The following RANBP17 variants were observed in gnomAD, a reference collection of about 807,000 sequenced individuals.
RANBP17 encodes the protein ran-binding protein 17.
RANBP17 carries 158 observed loss-of-function variants against 141.2 expected under a neutral mutation model. The ratio of observed to expected loss-of-function variants is 1.12; its 90% CI spans 0.98 to 1.28. RANBP17 has a LOEUF of 1.28. RANBP17 is among the 50% of genes most tolerant of loss of function. The probability of loss-of-function intolerance (pLI) is 0.00; values close to 1 mark genes in which losing one functional copy is unlikely to be tolerated. For missense variants in RANBP17, 1,438 were observed against 1,290.7 expected, an observed-to-expected ratio of 1.11 and a Z score of -1.75; for synonymous variants, 430 against 450.0, an observed-to-expected ratio of 0.96 and a Z score of 0.56.
intron 14 of RANBP17, among the ~76,000 whole-genome samples, chr5:171,002,167 T>C (rs1008092320): frequency 2.6e-5 from 4 of 151,902 alleles, no homozygotes; most frequent in Non-Finnish European, 4.4e-5. Flanking sequence ...ATGGAAGAGG[T>C]TATGAAATGA....
At chr5:170,995,963 C>G (rs2127570513) in intron 14 of RANBP17, among the ~76,000 whole-genome samples, 1 of 152,134 alleles carries the variant, frequency 6.6e-6, no homozygotes, top group Middle Eastern at 3.4e-3. Context: ...GATTTTCAGG[C>G]TGCAGTGTGC....
At chr5:171,143,513 T>TG (rs1359057701) in intron 14 of RANBP17, 7 of 152,128 alleles carry the variant, frequency 4.6e-5, no homozygotes, top group Non-Finnish European at 2.9e-5. Context: ...TTAAAAAAAT[T>TG]TTTTTCACCA....
intron 14 of RANBP17, among the ~76,000 whole-genome samples, chr5:171,130,491 C>T (rs1412387990): frequency 8.5e-6 from 1 of 117,772 alleles, no homozygotes; most frequent in South Asian, 3.0e-4. Flanking sequence ...GGCTGGAGTG[C>T]AATGGCATGA....
intron 12 of RANBP17, among the ~76,000 whole-genome samples, chr5:170,944,547 C>A (rs1291457333): frequency 6.6e-6 from 1 of 152,198 alleles, no homozygotes; most frequent in African/African-American, 2.4e-5. Flanking sequence ...GTATTACAGG[C>A]GTGAGCCACT....
At chr5:170,877,027 T>C (rs1253983582) in intron 1 of RANBP17, among the ~76,000 whole-genome samples, 1 of 152,162 alleles carries the variant, frequency 6.6e-6, no homozygotes, top group African/African-American at 2.4e-5. Context: ...GCTGAACTCA[T>C]TTTTTAATTC....
chr5:171,057,316 G>A (rs1273897954), intron 14 of RANBP17, among the ~76,000 whole-genome samples: 1 of 152,030 alleles, frequency 6.6e-6, no homozygotes, highest in Admixed American at 6.6e-5. Context: ...CCTTTTTATA[G>A]TGACAAACCA....
chr5:171,005,223 C>T (rs1396081540), intron 14 of RANBP17, among the ~76,000 whole-genome samples: 1 of 152,120 alleles, frequency 6.6e-6, no homozygotes, highest in African/African-American at 2.4e-5. Flanking sequence ...TGACTTTCTT[C>T]ACAGAATTGG....
At chr5:171,152,650 G>A (rs1458051081) in intron 14 of RANBP17, among the ~76,000 whole-genome samples, 3 of 152,076 alleles carry the variant, frequency 2.0e-5, no homozygotes, top group African/African-American at 7.2e-5. Flanking sequence ...CTTCTGTCAT[G>A]CTGACTCCCA....
intron 14 of RANBP17, among the ~76,000 whole-genome samples, chr5:171,155,340 G>A (rs1758825492): frequency 6.6e-6 from 1 of 151,494 alleles, no homozygotes; most frequent in African/African-American, 2.4e-5. Context: ...TAGAGAAAGT[G>A]GATATTTTGT....
Position 171,259,880 on chromosome 5 carries a change from C to A in RANBP17, c.2777-5801C>A, listed in dbSNP as rs1766170466. Among the ~76,000 whole-genome samples, 4 of 151,888 alleles carry A rather than the reference C, an allele frequency of 2.6e-5. No homozygotes were observed. The South Asian group carries it at 6.2e-4, about 24-fold the overall frequency. On this transcript the variant is annotated intron_variant, in intron 24 of 27. Transcript: ENST00000523189. ...CCTGTAATCCCAGCTACTCAGGAGG[C>A]TGCAGCAGGAGAATGGCTTGAACCT...
intron 14 of RANBP17, among the ~76,000 whole-genome samples, chr5:171,150,786 A>G (rs1216548621): frequency 6.6e-6 from 1 of 152,216 alleles, no homozygotes; most frequent in Non-Finnish European, 1.5e-5. Context: ...AAGTTTCTGC[A>G]TAAGGAGTCA....
At chr5:171,293,128 C>T (rs1286429387) in intron 25 of RANBP17, among the ~76,000 whole-genome samples, 1 of 152,198 alleles carries the variant, frequency 6.6e-6, no homozygotes, top group African/African-American at 2.4e-5. Context: ...CTGACTTCTC[C>T]TCAAGGACCC....
At position 171,203,165 on chromosome 5, in the gene RANBP17, G is replaced by C. The variant is rs960412097; in HGVS notation, c.2143-2359G>C. Among the ~76,000 whole-genome samples, 3 of 152,170 alleles carry C rather than the reference G, an allele frequency of 2.0e-5. No individual in the cohort carries two copies. The East Asian group carries it at 5.8e-4, about 29-fold the overall frequency. ...GCCTGTCACTCTTCAGACCAATCTT[G>C]TGTTGACCAACTATAGGAGAGAGGC... is the stretch of plus-strand genomic sequence containing the variant. On this transcript the variant is annotated intron_variant, in intron 19 of 27. Transcript: ENST00000523189.
intron 14 of RANBP17, among the ~76,000 whole-genome samples, chr5:170,995,838 A>T (rs1169942547): frequency 6.6e-6 from 1 of 152,166 alleles, no homozygotes; most frequent in Non-Finnish European, 1.5e-5. Context: ...GTTTTTAAAC[A>T]TCACTAAAAC....
chr5:171,137,572 A>ATGTG (rs140713117), intron 14 of RANBP17, among the ~76,000 whole-genome samples: 66,850 of 140,662 alleles, frequency 0.48, 16,595 homozygotes, highest in Middle Eastern at 0.62. Flanking sequence ...TTGACTTGAG[A>ATGTG]TGTGTGTGTG....
intron 11 of RANBP17, among the ~76,000 whole-genome samples, chr5:170,921,613 A>T (rs1013129844): frequency 1.3e-5 from 2 of 152,254 alleles, no homozygotes; most frequent in African/African-American, 4.8e-5. Flanking sequence ...AGCTTTTTCC[A>T]ATTCTGCGAA....
At chr5:171,173,425 T>C (rs1403280821) in intron 16 of RANBP17, among the ~76,000 whole-genome samples, 2 of 152,048 alleles carry the variant, frequency 1.3e-5, no homozygotes, top group Non-Finnish European at 2.9e-5. Context: ...ATTTAAAATA[T>C]TAGAAGTAAA....
chr5:170,964,161 T>C (rs1408736167), intron 13 of RANBP17, among the ~76,000 whole-genome samples: 1 of 152,114 alleles, frequency 6.6e-6, no homozygotes, highest in Non-Finnish European at 1.5e-5. Context: ...TTTTATGGAG[T>C]GCACTTTGGT....
chr5:170,984,954 C>A (rs535266064), intron 14 of RANBP17, among the ~76,000 whole-genome samples: 1 of 151,894 alleles, frequency 6.6e-6, no homozygotes, highest in Non-Finnish European at 1.5e-5. Flanking sequence ...AAGGAAGAGT[C>A]CTTTTAAAAT....
Sources: gnomAD v4.1 joint callset for allele counts (sites outside exome capture counted in the v4.1 genomes callset) on GRCh38, gnomAD v4.1.1 for gene constraint, MANE v1.5 for transcripts, NCBI Gene and HGNC (gene_info 2026-07-23, HGNC 2026-07-21) for gene names.